Variants in CFAP74 observed in about 807,000 individuals in gnomAD.
CFAP74 encodes cilia- and flagella-associated protein 74.
Under a neutral mutation model 188.9 loss-of-function variants are expected in CFAP74, and 124 were observed. The ratio of observed to expected loss-of-function variants is 0.66; its 90% CI spans 0.57 to 0.76. CFAP74 has a LOEUF of 0.76. Ranked by LOEUF, CFAP74 falls within the 30% of genes least tolerant of loss-of-function variation. The pLI, the probability that CFAP74 is intolerant of heterozygous loss-of-function variation, is 0.00. For missense variants in CFAP74, 2,198 were observed against 2,165.2 expected (o/e 1.02, Z -0.30); for synonymous variants, 956 against 916.7 (o/e 1.04, Z -0.77).
intron 25 of CFAP74, among the ~76,000 whole-genome samples, chr1:1,936,993 G>A (rs1652943652): frequency 6.6e-6 from 1 of 152,208 alleles, no homozygotes; most frequent in South Asian, 2.1e-4. Flanking sequence ...CGAATCACAG[G>A]TGACATTGTT....
chr1:1,966,535 G>A lies in CFAP74; in HGVS notation c.1246-9C>T, dbSNP rs376720703. 1.7e-4 allele frequency: 263 copies of A among 1,527,222 alleles called. 1 individual carries two copies. The highest frequency in any genetic ancestry group is 1.2e-3 in the Middle Eastern group (6 of 4,930). The allele number at this position is 1,527,222 out of a possible 1,614,324, so 94.6% of individuals were successfully genotyped here. ...GCAGCAGCCTCGTAGTCCTGCAGTC[G>A]GGGAGAGGAACATCGCAAAGACACG... is the stretch of plus-strand genomic sequence containing the variant. On this transcript the variant is annotated splice_polypyrimidine_tract_variant and intron_variant, in intron 11 of 38. Transcript: ENST00000682832.
rs767829677 is a variant in CFAP74 at position 1,939,149 on chromosome 1, TGA to T, written c.2878-163_2878-162del. Among the ~76,000 whole-genome samples, 434 of 152,088 alleles carry T rather than the reference TGA, an allele frequency of 2.9e-3. 6 individuals are homozygous for T. Among genetic ancestry groups the T allele is most frequent in the Middle Eastern group, 0.01 (3 of 292 alleles). On this transcript the variant is annotated intron_variant, in intron 24 of 38. Coordinates refer to ENST00000682832, the MANE Select transcript of CFAP74 (RefSeq NM_001304360.2). ...CAACGAGTGTGTGTCAGCAAGTGTGTGAGTGTGAGCACATGTGTATGAGTGCA... is the reference window on the plus strand; with the variant it reads ...CAACGAGTGTGTGTCAGCAAGTGTGTGTGTGAGCACATGTGTATGAGTGCA...
In CFAP74 at chr1:1,970,686, C is replaced by T. The variant is rs369157270; in HGVS notation, c.1019G>A (p.Arg340Gln). The change falls in exon 10 of 39, where the codon CGG (arginine) becomes CAG (glutamine). Residue 340 changes from arginine (R) to glutamine (Q), a missense_variant. Arg to Gln is a conservative substitution (Grantham distance 43). Transcript: ENST00000682832. ...CTTCTGGGCCTCCAGCTCCTGGCGC[C>T]GGCGCTGGTGGACAAGGTGCCTGAA... ...DAFRHLVHQRRRQELEAQKRA... is the reference protein window; with the variant it reads ...DAFRHLVHQRQRQELEAQKRA... The T allele has an allele frequency of 6.3e-5, 101 of 1,612,060 alleles. No individual in the cohort carries two copies. The highest frequency in any genetic ancestry group is 1.6e-4 in the East Asian group (7 of 44,838).
rs5772056 is a variant in CFAP74, at chr1:1,994,174, TAA to T, written c.-19-3201_-19-3200del. 7.6e-3 allele frequency among the ~76,000 whole-genome samples: 867 copies of T among 114,676 alleles called. 5 individuals carry two copies. Among genetic ancestry groups the T allele is most frequent in the African/African-American group, 0.021 (681 of 33,032 alleles). 75.2% of individuals were successfully genotyped at this position (114,676 alleles called of 152,430 possible). A position where few individuals can be genotyped will look rare whatever the true frequency, so the allele number is the denominator to read the frequency against. ...AGCAAGACCCTGACTCTAAAAGGGTTAAAAAAAAAAAAAAAAAAAGCTTTAAG... is the reference window on the plus strand; with the variant it reads ...AGCAAGACCCTGACTCTAAAAGGGTTAAAAAAAAAAAAAAAAAGCTTTAAG... On this transcript the variant is annotated intron_variant, in intron 1 of 38. Transcript: ENST00000682832.
In CFAP74 at chr1:1,970,948, T is replaced by TGCACATGCACACATC. The variant is rs1553229894; in HGVS notation, c.889-147_889-133dup. 3 of 1,056,096 alleles carry TGCACATGCACACATC rather than the reference T, an allele frequency of 2.8e-6. No homozygotes were observed. The African/African-American group carries it at 5.0e-5, about 17-fold the overall frequency. 65.4% of individuals were successfully genotyped at this position (1,056,096 alleles called of 1,614,324 possible). ...ACACGTGCACACACACATGCACACC[T>TGCACATGCACACATC]GCACATGCACACATCACACATGCAC... On this transcript the variant is annotated intron_variant, in intron 9 of 38. Transcript: ENST00000682832.
chr1:1,992,725 C>T (rs947534063), intron 1 of CFAP74, among the ~76,000 whole-genome samples: 7 of 151,936 alleles, frequency 4.6e-5, no homozygotes, highest in South Asian at 2.1e-4. Context: ...CCACCTGTCT[C>T]GGCCTCCCAA....
chr1:1,925,643 G>A (rs1435115195), intron 33 of CFAP74, 140 bp downstream of exon 33: 1 of 852,240 alleles, frequency 1.2e-6, no homozygotes, highest in African/African-American at 1.7e-5. Flanking sequence ...CAGCTGTGTA[G>A]AGGAGGGGTA....
chr1:1,931,743 C>CAAAA (rs34088299), intron 25 of CFAP74, among the ~76,000 whole-genome samples: 3 of 77,072 alleles, frequency 3.9e-5, no homozygotes, highest in African/African-American at 5.4e-5. Flanking sequence ...GTCTCTGTCT[C>CAAAA]AAAAAAAAAA....
intron 14 of CFAP74, among the ~76,000 whole-genome samples, chr1:1,961,804 G>A (rs887299992): frequency 2.0e-5 from 3 of 152,118 alleles, no homozygotes; most frequent in African/African-American, 4.8e-5. Context: ...GGAAGGAGAC[G>A]GGAACAAAGA....
intron 6 of CFAP74, among the ~76,000 whole-genome samples, chr1:1,977,586 A>G (rs1451316755): frequency 6.6e-6 from 1 of 152,212 alleles, no homozygotes; most frequent in African/African-American, 2.4e-5. Context: ...TCTACACAGC[A>G]GGACGTGGGG....
intron 16 of CFAP74, among the ~76,000 whole-genome samples, chr1:1,958,468 G>A (rs141731562): frequency 2.0e-5 from 3 of 152,248 alleles, no homozygotes; most frequent in Admixed American, 6.5e-5. Context: ...CTTCACACTC[G>A]CGGCTGAGCC....
chr1:1,970,386 G>C (rs547473968), intron 10 of CFAP74, among the ~76,000 whole-genome samples: 1 of 152,060 alleles, frequency 6.6e-6, no homozygotes, highest in African/African-American at 2.4e-5. Context: ...GGAGGCTCTC[G>C]ACAGGGGCCG....
intron 6 of CFAP74, among the ~76,000 whole-genome samples, chr1:1,983,511 C>T (rs1339882195): frequency 1.3e-5 from 2 of 152,214 alleles, no homozygotes; most frequent in South Asian, 2.1e-4. Context: ...CCGCAACGTC[C>T]GCCTGTCACA....
At position 1,934,990 on chromosome 1, in the gene CFAP74, TAGGTACACACGTGTGTATGTGTGTTGC is replaced by T. The variant is rs1289362044; in HGVS notation, c.3011+3838_3011+3864del. Reference sequence around the variant, plus strand: ...ACGTGTGTACGTGGGTGTTAGGTTGTAGGTACACACGTGTGTATGTGTGTTGCTGTGGGTACACACGTGTGTACGTGG... The same window carrying T: ...ACGTGTGTACGTGGGTGTTAGGTTGTTGTGGGTACACACGTGTGTACGTGG... On this transcript the variant is annotated intron_variant, in intron 25 of 38. Coordinates refer to ENST00000682832, the MANE Select transcript of CFAP74 (RefSeq NM_001304360.2). Among the ~76,000 whole-genome samples, 67 of 74,488 alleles carry T rather than the reference TAGGTACACACGTGTGTATGTGTGTTGC, an allele frequency of 9.0e-4. 19 individuals carry two copies. Among genetic ancestry groups the T allele is most frequent in the African/African-American group, 3.2e-3 (63 of 19,938 alleles). The allele number at this position is 74,488 out of a possible 152,430, so 48.9% of individuals were successfully genotyped here. A position where few individuals can be genotyped will look rare whatever the true frequency, so the allele number is the denominator to read the frequency against.
chr1:1,977,418 T>C (rs1656519573), intron 6 of CFAP74, among the ~76,000 whole-genome samples: 1 of 152,134 alleles, frequency 6.6e-6, no homozygotes, highest in African/African-American at 2.4e-5. Context: ...GAAGGCAGGC[T>C]CTGCTGCCTG....
rs1164669399 is a variant in CFAP74, at chr1:1,973,495, G to A, written c.675-448C>T. 2.0e-5 allele frequency among the ~76,000 whole-genome samples: 3 copies of A among 152,152 alleles called. No individual in the cohort carries two copies. Among genetic ancestry groups the A allele is most frequent in the African/African-American group, 7.2e-5 (3 of 41,444 alleles). The stretch of plus-strand genomic sequence containing the variant: ...GGGGGTCCCGAGGAGAGAGGCTCAC[G>A]GCAGGTTGGGACAGCTGGCCTGATG... On this transcript the variant is annotated intron_variant, in intron 7 of 38. Transcript: ENST00000682832. The surrounding 1 kb of genome is among the most constrained non-coding windows in gnomAD (Gnocchi z 6.2).
chr1:1,985,249 G>T (rs1657157477), intron 6 of CFAP74, 137 bp downstream of exon 6: 2 of 678,444 alleles, frequency 2.9e-6, no homozygotes, highest in Non-Finnish European at 5.2e-6. Context: ...TGCATTCACC[G>T]AGTCCCCTTT....
At chr1:1,993,503 C>G (rs943750407) in intron 1 of CFAP74, among the ~76,000 whole-genome samples, 1 of 151,482 alleles carries the variant, frequency 6.6e-6, no homozygotes, top group Non-Finnish European at 1.5e-5. Flanking sequence ...CCAGGCTGGT[C>G]TCAAACTTTT....
In CFAP74 at chr1:1,928,770, C is replaced by T. The variant is rs139011692; in HGVS notation, c.3387+14G>A. 1.2e-3 allele frequency: 1,772 copies of T among 1,531,180 alleles called. 32 individuals are homozygous for T. The Admixed American group carries it at 0.029, about 25-fold the overall frequency. 94.8% of individuals were successfully genotyped at this position (1,531,180 alleles called of 1,614,324 possible). A position where few individuals can be genotyped will look rare whatever the true frequency, so the allele number is the denominator to read the frequency against. On this transcript the variant is annotated intron_variant, in intron 27 of 38. Coordinates refer to ENST00000682832, the MANE Select transcript of CFAP74 (RefSeq NM_001304360.2). Reference sequence around the variant, plus strand: ...TTCCCCGACCTACGCCCCTCCTTCCCGGGCCCCACGCACAGATTTGGTCTC... The same window carrying T: ...TTCCCCGACCTACGCCCCTCCTTCCTGGGCCCCACGCACAGATTTGGTCTC...
Sources: gnomAD v4.1 joint callset for allele counts (sites outside exome capture counted in the v4.1 genomes callset) on GRCh38, gnomAD v4.1.1 for gene constraint, Gnocchi (gnomAD v3.1) non-coding constraint, MANE v1.5 for transcripts, NCBI Gene and HGNC (gene_info 2026-07-23, HGNC 2026-07-21) for gene names.